RPN2: variants seen among roughly 807,000 people sequenced by gnomAD.
RPN2 encodes the protein dolichyl-diphosphooligosaccharide--protein glycosyltransferase subunit 2.
RPN2 carries 29 observed loss-of-function variants against 71.4 expected under a neutral mutation model. That is an observed-to-expected ratio of 0.41 (90% CI 0.30 to 0.55). The LOEUF is 0.55. Among genes scored for constraint, RPN2 ranks in the 20% least tolerant of loss-of-function variants. The probability of loss-of-function intolerance (pLI) is 0.35; values close to 1 mark genes in which losing one functional copy is unlikely to be tolerated. For synonymous variants in RPN2, 308 were observed against 305.0 expected, an observed-to-expected ratio of 1.01 and a Z score of -0.10; for missense variants, 726 against 774.1, an observed-to-expected ratio of 0.94 and a Z score of 0.74.
At chr20:37,210,384 C>T (rs371058152) in intron 8 of RPN2, among the ~76,000 whole-genome samples, 14 of 152,168 alleles carry the variant, frequency 9.2e-5, no homozygotes, top group African/African-American at 2.6e-4. Flanking sequence ...GTCATTGTGA[C>T]ATAAGTAGCT....
At chr20:37,224,480 C>A (rs574015054) in intron 10 of RPN2, among the ~76,000 whole-genome samples, 46 of 152,282 alleles carry the variant, frequency 3.0e-4, no homozygotes, top group African/African-American at 8.7e-4. Flanking sequence ...ATGGCAGATA[C>A]CCAGCACTAG....
rs1037931315 is a variant in RPN2 at position 37,187,922 on chromosome 20, C to T, written c.207+3549C>T. 3.9e-5 allele frequency among the ~76,000 whole-genome samples: 6 copies of T among 152,152 alleles called. No homozygotes were observed. In the East Asian group the frequency reaches 5.8e-4, roughly 15 times the overall value. ...CCTCCCAAAATGCTGGGATTACACGCGTGAGCCACTGCGCCCAGCCCCTTG... is the reference window on the plus strand; with the variant it reads ...CCTCCCAAAATGCTGGGATTACACGTGTGAGCCACTGCGCCCAGCCCCTTG... On this transcript the variant is annotated intron_variant, in intron 2 of 16. Transcript: ENST00000237530.
intron 1 of RPN2, among the ~76,000 whole-genome samples, chr20:37,179,930 T>G (rs1191435920): frequency 2.0e-5 from 3 of 152,218 alleles, no homozygotes; most frequent in Non-Finnish European, 4.4e-5. Context: ...CCTCAGTTTC[T>G]CATCTGTAAA....
At chr20:37,203,771 T>C in intron 4 of RPN2, 114 bp from the exon 5 acceptor site, 2 of 781,978 alleles carry the variant, frequency 2.6e-6, no homozygotes, top group Non-Finnish European at 4.5e-6. Context: ...TGAGACCAAC[T>C]TGTACTTCTA....
At position 37,199,304 on chromosome 20, in the gene RPN2, C is replaced by G. The variant is rs1004851734; in HGVS notation, c.479+79C>G. The G allele has an allele frequency of 2.6e-6, 4 of 1,550,462 alleles. No homozygotes were observed. In the African/African-American group the frequency reaches 5.4e-5, roughly 21 times the overall value. ...GAAGAGGGCTCATTCATTGGTTCAG[C>G]AAATACTTTCTGGGCAAGTACTTGC... On this transcript the variant is annotated intron_variant, in intron 4 of 16. Transcript: ENST00000237530.
rs570616849 is a variant in RPN2, at chr20:37,215,386, A to G, written c.1092+1521A>G. Among the ~76,000 whole-genome samples, 3 of 152,236 alleles carry G rather than the reference A, an allele frequency of 2.0e-5. No individual in the cohort carries two copies. The South Asian group carries it at 6.2e-4, about 32-fold the overall frequency. On this transcript the variant is annotated intron_variant, in intron 9 of 16. Transcript: ENST00000237530. ...TGTGTTGACCTTTTTAGCATGAGAC[A>G]TCTGATCTTAGTTCGTTCACTATGG...
chr20:37,192,500 A>G (rs1342838098), intron 2 of RPN2, among the ~76,000 whole-genome samples: 2 of 152,226 alleles, frequency 1.3e-5, no homozygotes, highest in Non-Finnish European at 2.9e-5. Context: ...CTTGCACTGG[A>G]GTGCTGCCAT....
intron 2 of RPN2, among the ~76,000 whole-genome samples, chr20:37,185,574 G>A (rs897758435): frequency 6.6e-6 from 1 of 152,024 alleles, no homozygotes; most frequent in East Asian, 1.9e-4. Context: ...AAATGTAGGG[G>A]CTTAAAACAC....
chr20:37,185,346 AGGCT>A (rs1600732741), intron 2 of RPN2, among the ~76,000 whole-genome samples: 2 of 152,146 alleles, frequency 1.3e-5, no homozygotes, highest in East Asian at 3.9e-4. Context: ...CATGTTGCCC[AGGCT>A]GGTCTTAAAC....
intron 9 of RPN2, among the ~76,000 whole-genome samples, chr20:37,217,570 C>T (rs1174096382): frequency 3.3e-5 from 5 of 151,646 alleles, no homozygotes; most frequent in South Asian, 2.1e-4. Flanking sequence ...GGATTACAGG[C>T]GTGAGCCACC....
intron 16 of RPN2, among the ~76,000 whole-genome samples, chr20:37,239,908 ATTTCT>A (rs1303018201): frequency 6.6e-6 from 1 of 152,134 alleles, no homozygotes; most frequent in Admixed American, 6.5e-5. Flanking sequence ...AAATAAGTCG[ATTTCT>A]TTTCTTGATT....
At chr20:37,191,387 A>G (rs952859869) in intron 2 of RPN2, among the ~76,000 whole-genome samples, 1 of 150,894 alleles carries the variant, frequency 6.6e-6, no homozygotes, top group Non-Finnish European at 1.5e-5. Context: ...GAGGCAGGAG[A>G]ATTGCTTGAA....
intron 8 of RPN2, among the ~76,000 whole-genome samples, chr20:37,211,390 C>T (rs1343059932): frequency 6.6e-6 from 1 of 150,698 alleles, no homozygotes; most frequent in Non-Finnish European, 1.5e-5. Flanking sequence ...GTAATCCCAG[C>T]ACTTTGGGGG....
chr20:37,200,445 A>G (rs1253561440), intron 4 of RPN2: 1 of 532,318 alleles, frequency 1.9e-6, no homozygotes, highest in Admixed American at 1.9e-5. Context: ...CAAACCCTGA[A>G]GGAGGGTGTG....
chr20:37,199,011 A>T, intron 3 of RPN2, 39 bp from the exon 4 acceptor site: 1 of 1,557,816 alleles, frequency 6.4e-7, no homozygotes, highest in Non-Finnish European at 8.8e-7. Context: ...AATTGCCAAG[A>T]CCTGTTCTAA....
In RPN2 at chr20:37,199,103, C is replaced by T; in HGVS notation, c.357C>T (p.Asp119=). ...KDLLLAAVSE[D]SSVTQIYHAV... The stretch of plus-strand genomic sequence containing the variant: ...TGCTTCTGGCAGCTGTCAGTGAGGA[C>T]TCATCTGTTACCCAGATCTACCATG... The change falls in exon 4 of 17, where the codon GAC becomes GAT. Residue 119 remains aspartate, a synonymous_variant. Coordinates refer to ENST00000237530, the MANE Select transcript of RPN2 (RefSeq NM_002951.5). The T allele has an allele frequency of 1.2e-6, 2 of 1,613,530 alleles. No individual in the cohort carries two copies. Among genetic ancestry groups the T allele is most frequent in the Non-Finnish European group, 1.7e-6 (2 of 1,179,442 alleles).
chr20:37,234,314 G>A (rs2068325726), intron 15 of RPN2, among the ~76,000 whole-genome samples: 1 of 152,250 alleles, frequency 6.6e-6, no homozygotes, highest in Non-Finnish European at 1.5e-5. Flanking sequence ...TTGTTGTACT[G>A]TGCCACTGTT....
intron 4 of RPN2, among the ~76,000 whole-genome samples, chr20:37,201,636 T>C (rs538583631): frequency 5.3e-5 from 8 of 152,336 alleles, no homozygotes; most frequent in Admixed American, 3.3e-4. Flanking sequence ...TCTGTGACCA[T>C]GAGTGGGTTG....
intron 15 of RPN2, among the ~76,000 whole-genome samples, chr20:37,235,988 A>G (rs2068376201): frequency 6.6e-6 from 1 of 152,154 alleles, no homozygotes; most frequent in South Asian, 2.1e-4. Flanking sequence ...AATTTGAAAA[A>G]TGAATGCCAA....
Sources: gnomAD v4.1 joint callset for allele counts (sites outside exome capture counted in the v4.1 genomes callset) on GRCh38, gnomAD v4.1.1 for gene constraint, MANE v1.5 for transcripts, NCBI Gene and HGNC (gene_info 2026-07-23, HGNC 2026-07-21) for gene names.